The following TMEM242 variants were observed in gnomAD, a reference collection of about 807,000 sequenced individuals.
TMEM242 encodes transmembrane protein 242, also known as UPF0463 transmembrane protein C6orf35.
TMEM242 carries 10 observed loss-of-function variants against 18.2 expected under a neutral mutation model. The observed-to-expected ratio is 0.55, with a 90% CI of 0.34 to 0.93. The LOEUF (loss-of-function observed/expected upper bound fraction) is 0.93. Among genes scored for constraint, TMEM242 ranks in the 40% least tolerant of loss-of-function variants. The probability of loss-of-function intolerance (pLI) is 0.02; values close to 1 mark genes in which losing one functional copy is unlikely to be tolerated. For missense variants in TMEM242, 186 were observed against 175.5 expected, an observed-to-expected ratio of 1.06 and a Z score of -0.34; for synonymous variants, 57 against 69.9, an observed-to-expected ratio of 0.81 and a Z score of 0.92.
At chr6:157,301,618 C>G (rs1554247533) in intron 3 of TMEM242, among the ~76,000 whole-genome samples, 1 of 152,196 alleles carries the variant, frequency 6.6e-6, no homozygotes, top group Non-Finnish European at 1.5e-5. Context: ...GGCCGAAAAG[C>G]TATTCTTATT....
chr6:157,310,874 G>T (rs1778019058), intron 3 of TMEM242, among the ~76,000 whole-genome samples: 1 of 145,488 alleles, frequency 6.9e-6, no homozygotes, highest in Non-Finnish European at 1.5e-5. Flanking sequence ...TCATCATAGT[G>T]CCCCAGTGTG....
At chr6:157,312,706 G>GCCTCATCATAGTGTCCCAGGGTGCA (rs1778210708) in intron 3 of TMEM242, among the ~76,000 whole-genome samples, 1 of 46,452 alleles carries the variant, frequency 2.2e-5, no homozygotes, top group Admixed American at 2.2e-4. Context: ...CCCAGTGTGC[G>GCCTCATCATAGTGTCCCAGGGTGCA]CTCACCTGGC....
chr6:157,318,648 A>T, intron 3 of TMEM242, 134 bp downstream of exon 3: 2 of 933,428 alleles, frequency 2.1e-6, no homozygotes, highest in Non-Finnish European at 1.6e-6. Flanking sequence ...GTAAGAATTT[A>T]GTCACGTACT....
intron 3 of TMEM242, among the ~76,000 whole-genome samples, chr6:157,302,337 A>G (rs1777842305): frequency 6.6e-6 from 1 of 152,174 alleles, no homozygotes; most frequent in Non-Finnish European, 1.5e-5. Context: ...CCCACCATCC[A>G]CCTATAATGA....
At position 157,292,815 on chromosome 6, in the gene TMEM242, A is replaced by G. The variant is rs1461386192; in HGVS notation, c.*86T>C. ...GCAATCTGCCCATGTTCCTGGGAGA[A>G]ATCAGTCCCAGTCCTTTTGCTGTCA... is the stretch of plus-strand genomic sequence containing the variant. On this transcript the variant is annotated 3_prime_UTR_variant, in exon 4 of 4. Transcript: ENST00000400788. The G allele has an allele frequency of 8.5e-6, 9 of 1,056,216 alleles. No homozygotes were observed. The Admixed American group carries it at 1.6e-4, about 19-fold the overall frequency. 65.4% of individuals were successfully genotyped at this position (1,056,216 alleles called of 1,614,324 possible).
intron 3 of TMEM242, among the ~76,000 whole-genome samples, chr6:157,308,251 C>A (rs782298560): frequency 1.3e-5 from 2 of 152,146 alleles, no homozygotes; most frequent in Non-Finnish European, 2.9e-5. Flanking sequence ...CAGGAATAAA[C>A]GTACTGATAA....
At chr6:157,319,489 T>C (rs1778459382) in intron 2 of TMEM242, among the ~76,000 whole-genome samples, 1 of 152,086 alleles carries the variant, frequency 6.6e-6, no homozygotes, top group Non-Finnish European at 1.5e-5. Flanking sequence ...AGCTCAAGAG[T>C]AAATTACTTC....
At position 157,289,544 on chromosome 6, in the gene TMEM242, T is replaced by C. The variant is rs1422913373; in HGVS notation, c.*3357A>G. The C allele has an allele frequency of 1.3e-5, 2 of 152,208 alleles. No individual in the cohort carries two copies. The highest frequency in any genetic ancestry group is 4.8e-5 in the African/African-American group (2 of 41,464). The allele number at this position is 152,208 out of a possible 1,614,324, so 9.4% of individuals were successfully genotyped here. A position where few individuals can be genotyped will look rare whatever the true frequency, so the allele number is the denominator to read the frequency against. On this transcript the variant is annotated 3_prime_UTR_variant, in exon 4 of 4. Coordinates refer to ENST00000400788, the MANE Select transcript of TMEM242 (RefSeq NM_018452.6). Reference sequence around the variant, plus strand: ...CTGATTTTCATTTGTACTTAACAATTTGTCTTAAAGATGATACATAAAAAT... The same window carrying C: ...CTGATTTTCATTTGTACTTAACAATCTGTCTTAAAGATGATACATAAAAAT...
At chr6:157,310,600 GT>G (rs1778001963) in intron 3 of TMEM242, among the ~76,000 whole-genome samples, 1 of 151,874 alleles carries the variant, frequency 6.6e-6, no homozygotes, top group African/African-American at 2.4e-5. Context: ...CCTCATCATA[GT>G]GCCCCAGTGT....
At position 157,290,823 on chromosome 6, in the gene TMEM242, A is replaced by G. The variant is rs1386231729; in HGVS notation, c.*2078T>C. ...TTGTCCCTGCCAGCCTCCCCTCTGC[A>G]GGGGATTCATCATCATTCTAATGGG... On this transcript the variant is annotated 3_prime_UTR_variant, in exon 4 of 4. Coordinates refer to ENST00000400788, the MANE Select transcript of TMEM242 (RefSeq NM_018452.6). 10 of 152,248 alleles carry G rather than the reference A, an allele frequency of 6.6e-5. No homozygotes were observed. Among genetic ancestry groups the G allele is most frequent in the African/African-American group, 2.4e-4 (10 of 41,466 alleles). The allele number at this position is 152,248 out of a possible 1,614,324, so 9.4% of individuals were successfully genotyped here. A position where few individuals can be genotyped will look rare whatever the true frequency, so the allele number is the denominator to read the frequency against.
At chr6:157,323,358 AG>A in intron 1 of TMEM242, 53 bp downstream of exon 1, 1 of 1,575,798 alleles carries the variant, frequency 6.3e-7, no homozygotes, top group Non-Finnish European at 8.7e-7. Flanking sequence ...AGAGCAAGCC[AG>A]GGTCCGGGGT....
At position 157,305,946 on chromosome 6, in the gene TMEM242, T is replaced by C. The variant is rs1777912217; in HGVS notation, c.327+12836A>G. On this transcript the variant is annotated intron_variant, in intron 3 of 3. Coordinates refer to ENST00000400788, the MANE Select transcript of TMEM242 (RefSeq NM_018452.6). The surrounding 1 kb of genome is among the most constrained non-coding windows in gnomAD (Gnocchi z 4.1). ...GACAACTCTTTCGGGAAGCTTTTTG[T>C]GTAAAGGGGAGCAGATAAATGGGCT... Among the ~76,000 whole-genome samples the C allele has an allele frequency of 6.6e-6, 1 of 152,038 alleles. No individual in the cohort carries two copies. The highest frequency in any genetic ancestry group is 1.5e-5 in the Non-Finnish European group (1 of 68,008).
At chr6:157,297,596 A>T (rs1410270846) in intron 3 of TMEM242, among the ~76,000 whole-genome samples, 1 of 152,182 alleles carries the variant, frequency 6.6e-6, no homozygotes, top group Non-Finnish European at 1.5e-5. Context: ...CTTCCTGAGA[A>T]ATCAACATTT....
At chr6:157,313,251 C>CAA (rs201098280) in intron 3 of TMEM242, among the ~76,000 whole-genome samples, 2 of 144,592 alleles carry the variant, frequency 1.4e-5, no homozygotes, top group African/African-American at 5.2e-5. Flanking sequence ...GCAGAGTGTG[C>CAA]TCACCTGGCC....
intron 3 of TMEM242, among the ~76,000 whole-genome samples, chr6:157,313,429 C>A (rs1778274226): frequency 8.4e-6 from 1 of 118,874 alleles, no homozygotes. Flanking sequence ...GCTCACCTGG[C>A]CTCATCATAG....
In TMEM242 at chr6:157,311,992, G is replaced by C. The variant is rs1409880183; in HGVS notation, c.327+6790C>G. Among the ~76,000 whole-genome samples the C allele has an allele frequency of 3.2e-5, 2 of 63,304 alleles. 1 individual carries two copies. Among genetic ancestry groups the C allele is most frequent in the Non-Finnish European group, 5.8e-5 (2 of 34,324 alleles). 41.5% of individuals were successfully genotyped at this position (63,304 alleles called of 152,430 possible). A position where few individuals can be genotyped will look rare whatever the true frequency, so the allele number is the denominator to read the frequency against. On this transcript the variant is annotated intron_variant, in intron 3 of 3. Transcript: ENST00000400788. ...CACCTGGCCTCATCATAGTGCCCCA[G>C]TGAGCACTCACCTAGCCTCAGCATA...
At chr6:157,311,341 T>C (rs372752374) in intron 3 of TMEM242, among the ~76,000 whole-genome samples, 47 of 60,872 alleles carry the variant, frequency 7.7e-4, no homozygotes, top group Non-Finnish European at 1.2e-3. Context: ...CATCATAGTG[T>C]CCCAGTGTGC....
At chr6:157,312,362 A>G in intron 3 of TMEM242, among the ~76,000 whole-genome samples, 1 of 96,260 alleles carries the variant, frequency 1.0e-5, no homozygotes, top group Non-Finnish European at 2.1e-5. Flanking sequence ...ATCATGTCCC[A>G]GTGTGCACTC....
At chr6:157,313,120 C>CTGG in intron 3 of TMEM242, among the ~76,000 whole-genome samples, 2 of 132,176 alleles carry the variant, frequency 1.5e-5, no homozygotes, top group African/African-American at 2.8e-5. Context: ...GTGTGCTCAC[C>CTGG]CGGCCTCATC....
Sources: allele counts gnomAD v4.1 joint callset (sites outside exome capture counted in the v4.1 genomes callset), GRCh38; gene constraint gnomAD v4.1.1; non-coding constraint Gnocchi (gnomAD v3.1); transcripts MANE v1.5; gene names NCBI Gene and HGNC (gene_info 2026-07-23, HGNC 2026-07-21).